The following POU6F2 variants were observed in gnomAD, a reference collection of about 807,000 sequenced individuals.
POU6F2 encodes the protein POU domain, class 6, transcription factor 2.
In POU6F2, 31 loss-of-function variants were observed where a neutral mutation model predicts 71.3. The observed-to-expected ratio is 0.43, with a 90% CI of 0.33 to 0.59. The LOEUF is 0.59. Ranked by LOEUF, POU6F2 falls within the 20% of genes least tolerant of loss-of-function variation. POU6F2 has a pLI of 0.04. For synonymous variants in POU6F2, 347 were observed against 355.7 expected (o/e 0.98, Z 0.27); for missense variants, 783 against 856.8 (o/e 0.91, Z 1.07).
intron 5 of POU6F2, chr7:39,406,232 G>A (rs530664316): frequency 4.9e-6 from 1 of 206,054 alleles, no homozygotes; most frequent in Non-Finnish European, 9.9e-6. Flanking sequence ...TATTCTGTCT[G>A]GTTACCTCAG....
intron 6 of POU6F2, among the ~76,000 whole-genome samples, chr7:39,427,297 A>G (rs1398008286): frequency 1.3e-5 from 2 of 152,214 alleles, no homozygotes; most frequent in Non-Finnish European, 2.9e-5. Flanking sequence ...AAAGTAATTC[A>G]CCAATGATCT....
intron 1 of POU6F2, among the ~76,000 whole-genome samples, chr7:39,023,696 G>T (rs554081192): frequency 6.6e-6 from 1 of 152,042 alleles, no homozygotes; most frequent in East Asian, 1.9e-4. Context: ...TTATACATTT[G>T]TAAAATCTAA....
intron 5 of POU6F2, among the ~76,000 whole-genome samples, chr7:39,343,686 G>GT (rs1353218067): frequency 6.6e-6 from 1 of 152,108 alleles, no homozygotes; most frequent in Non-Finnish European, 1.5e-5. Flanking sequence ...GAGGGCTTGA[G>GT]TCCCCCTTCT....
At chr7:39,151,897 G>A (rs777653829) in intron 2 of POU6F2, among the ~76,000 whole-genome samples, 4 of 152,162 alleles carry the variant, frequency 2.6e-5, no homozygotes, top group Non-Finnish European at 4.4e-5. Flanking sequence ...TTGAATGACA[G>A]TAACAAAATG....
chr7:39,348,694 A>G (rs1786076626), intron 5 of POU6F2, among the ~76,000 whole-genome samples: 1 of 152,256 alleles, frequency 6.6e-6, no homozygotes, highest in Admixed American at 6.5e-5. Context: ...ATTGGCTCCC[A>G]GCATTTTCCA....
rs181972517 is a variant in POU6F2, at chr7:39,241,081, C to T, written c.598+33461C>T. On this transcript the variant is annotated intron_variant, in intron 4 of 9. Coordinates refer to ENST00000518318, the MANE Select transcript of POU6F2 (RefSeq NM_001370959.1). ...AACATCATGTAACCTTCTCCCTTCC[C>T]CGCAAGACTTCAGCAGACTTCTCAC... 5.9e-5 allele frequency among the ~76,000 whole-genome samples: 9 copies of T among 152,236 alleles called. 1 individual carries two copies. The highest frequency in any genetic ancestry group is 3.9e-4 in the Admixed American group (6 of 15,272).
At chr7:39,042,449 T>C (rs1264954511) in intron 1 of POU6F2, among the ~76,000 whole-genome samples, 1 of 151,958 alleles carries the variant, frequency 6.6e-6, no homozygotes, top group East Asian at 1.9e-4. Context: ...GCTGCAGTGA[T>C]CATGGAAGGA....
At chr7:39,225,591 C>T (rs957432020) in intron 4 of POU6F2, among the ~76,000 whole-genome samples, 3 of 152,018 alleles carry the variant, frequency 2.0e-5, no homozygotes, top group Admixed American at 2.0e-4. Context: ...CTTCACCCCC[C>T]ACCAAAGGGA....
chr7:39,309,132 C>T (rs985298213), intron 4 of POU6F2, among the ~76,000 whole-genome samples: 1 of 152,132 alleles, frequency 6.6e-6, no homozygotes, highest in Non-Finnish European at 1.5e-5. Context: ...TAAATCAGAA[C>T]GAGGGGGAGG....
chr7:39,137,326 AC>A (rs1792407396), intron 2 of POU6F2, among the ~76,000 whole-genome samples: 1 of 152,204 alleles, frequency 6.6e-6, no homozygotes, highest in South Asian at 2.1e-4. Flanking sequence ...CCAAGAAATG[AC>A]TTAAATGGTA....
At chr7:39,434,518 T>C (rs78998306) in intron 7 of POU6F2, among the ~76,000 whole-genome samples, 1,651 of 151,936 alleles carry the variant, frequency 0.011, 30 homozygotes, top group African/African-American at 0.037. Context: ...CTAACATAGT[T>C]GTGATGATAG....
intron 2 of POU6F2, among the ~76,000 whole-genome samples, chr7:39,135,973 T>C (rs1327847780): frequency 6.6e-6 from 1 of 152,240 alleles, no homozygotes; most frequent in African/African-American, 2.4e-5. Flanking sequence ...ATGACATTTC[T>C]ATATAGCAGC....
chr7:39,343,037 T>C (rs1223967574), intron 5 of POU6F2, among the ~76,000 whole-genome samples: 1 of 152,180 alleles, frequency 6.6e-6, no homozygotes, highest in Non-Finnish European at 1.5e-5. Flanking sequence ...CTATAGATTC[T>C]CCATTGAGAC....
intron 1 of POU6F2, among the ~76,000 whole-genome samples, chr7:39,016,712 TGAGTATATCAGGGA>T (rs1321727914): frequency 6.6e-6 from 1 of 152,010 alleles, no homozygotes; most frequent in Non-Finnish European, 1.5e-5. Flanking sequence ...AAATCATCAG[TGAGTATATCAGGGA>T]GGTGAGATTG....
chr7:39,031,387 A>T (rs1432981555), intron 1 of POU6F2, among the ~76,000 whole-genome samples: 1 of 152,230 alleles, frequency 6.6e-6, no homozygotes, highest in Non-Finnish European at 1.5e-5. Flanking sequence ...AATTTTTGAT[A>T]CTAATGCTTT....
At chr7:39,119,329 C>A (rs1440980525) in intron 2 of POU6F2, among the ~76,000 whole-genome samples, 1 of 152,180 alleles carries the variant, frequency 6.6e-6, no homozygotes, top group Non-Finnish European at 1.5e-5. Flanking sequence ...ACTAAATAGA[C>A]AATTATTAAT....
intron 1 of POU6F2, among the ~76,000 whole-genome samples, chr7:38,990,438 T>C (rs1007903309): frequency 6.6e-6 from 1 of 152,154 alleles, no homozygotes; most frequent in African/African-American, 2.4e-5. Context: ...TGTTATCTTA[T>C]TTACATTTAT....
At chr7:39,024,941 A>T (rs752786404) in intron 1 of POU6F2, among the ~76,000 whole-genome samples, 1 of 152,144 alleles carries the variant, frequency 6.6e-6, no homozygotes, top group Non-Finnish European at 1.5e-5. Context: ...ATCAATGTTT[A>T]TCAAGGATAT....
intron 1 of POU6F2, among the ~76,000 whole-genome samples, chr7:39,066,429 G>C (rs1790753865): frequency 1.3e-5 from 2 of 151,692 alleles, no homozygotes; most frequent in African/African-American, 4.8e-5. Context: ...ATTTTAATTT[G>C]ATAAAAATAG....
Sources: allele counts gnomAD v4.1 joint callset (sites outside exome capture counted in the v4.1 genomes callset), GRCh38; gene constraint gnomAD v4.1.1; transcripts MANE v1.5; gene names NCBI Gene and HGNC (gene_info 2026-07-23, HGNC 2026-07-21).